The following PLXDC2 variants were observed in gnomAD, a reference collection of about 807,000 sequenced individuals.
PLXDC2 encodes the protein plexin domain containing 2.
Under a neutral mutation model 68.9 loss-of-function variants are expected in PLXDC2, and 40 were observed. That is an observed-to-expected ratio of 0.58 (90% confidence interval 0.45 to 0.76). The LOEUF (loss-of-function observed/expected upper bound fraction) is 0.76, where lower values mean the gene tolerates loss of function less well. Among genes scored for constraint, PLXDC2 ranks in the 30% least tolerant of loss-of-function variants. The pLI is 0.00. For missense variants in PLXDC2, 644 were observed against 661.9 expected, an observed-to-expected ratio of 0.97 and a Z score of 0.30; for synonymous variants, 243 against 234.2, an observed-to-expected ratio of 1.04 and a Z score of -0.34.
At chr10:20,139,117 A>T (rs1228743205) in intron 4 of PLXDC2, among the ~76,000 whole-genome samples, 1 of 152,202 alleles carries the variant, frequency 6.6e-6, no homozygotes, top group East Asian at 1.9e-4. Context: ...AGGCTTACAG[A>T]TGTAAAAACA....
At chr10:20,201,945 A>T (rs1459125362) in intron 9 of PLXDC2, among the ~76,000 whole-genome samples, 1 of 152,192 alleles carries the variant, frequency 6.6e-6, no homozygotes, top group Non-Finnish European at 1.5e-5. Context: ...GCACTGGGAT[A>T]CACCTACTTT....
chr10:20,093,217 G>A lies in PLXDC2; in HGVS notation c.541+24978G>A, dbSNP rs1320517793. Among the ~76,000 whole-genome samples, 5 of 152,032 alleles carry A rather than the reference G, an allele frequency of 3.3e-5. No individual in the cohort carries two copies. The East Asian group carries it at 7.7e-4, about 23-fold the overall frequency. ...CATCATCCCTTTATGGAATGATTTC[G>A]TGTATAAAATAAATCACCATAATAT... On this transcript the variant is annotated intron_variant, in intron 4 of 13. Coordinates refer to ENST00000377252, the MANE Select transcript of PLXDC2 (RefSeq NM_032812.9).
chr10:19,845,796 A>C (rs1836997384), intron 1 of PLXDC2, among the ~76,000 whole-genome samples: 1 of 152,144 alleles, frequency 6.6e-6, no homozygotes, highest in African/African-American at 2.4e-5. Flanking sequence ...TTTCCTAAGA[A>C]GGGGTAGTAG....
intron 2 of PLXDC2, among the ~76,000 whole-genome samples, chr10:20,041,964 CCTAAAGA>C (rs1461009320): frequency 6.6e-6 from 1 of 152,178 alleles, no homozygotes; most frequent in East Asian, 1.9e-4. Context: ...TAATTACCTT[CCTAAAGA>C]CTGTCTCCAA....
At chr10:19,818,780 A>C (rs1324391924) in intron 1 of PLXDC2, among the ~76,000 whole-genome samples, 3 of 152,176 alleles carry the variant, frequency 2.0e-5, no homozygotes, top group African/African-American at 7.2e-5. Flanking sequence ...TTATTTAAAA[A>C]TTGCAACAGT....
intron 9 of PLXDC2, among the ~76,000 whole-genome samples, chr10:20,195,684 G>C (rs1345118840): frequency 2.6e-5 from 4 of 152,038 alleles, no homozygotes; most frequent in Admixed American, 6.6e-5. Flanking sequence ...TAATAAATTA[G>C]GAAAAAGATG....
At chr10:20,204,135 T>C (rs1460927060) in intron 9 of PLXDC2, among the ~76,000 whole-genome samples, 1 of 152,160 alleles carries the variant, frequency 6.6e-6, no homozygotes, top group East Asian at 1.9e-4. Context: ...TTTAGAAATG[T>C]ACTTGTCCAT....
intron 1 of PLXDC2, among the ~76,000 whole-genome samples, chr10:19,895,892 CCTGGGT>C (rs1838048681): frequency 6.6e-6 from 1 of 151,968 alleles, no homozygotes; most frequent in Non-Finnish European, 1.5e-5. Context: ...TGCACTTCAG[CCTGGGT>C]GACAGAGCAA....
At chr10:20,063,213 T>C (rs983833750) in intron 3 of PLXDC2, among the ~76,000 whole-genome samples, 1 of 152,216 alleles carries the variant, frequency 6.6e-6, no homozygotes, top group Non-Finnish European at 1.5e-5. Flanking sequence ...GATCCTTTGC[T>C]ATGGTAAACT....
intron 4 of PLXDC2, among the ~76,000 whole-genome samples, chr10:20,081,480 G>C (rs144776444): frequency 3.7e-4 from 57 of 152,184 alleles, no homozygotes; most frequent in Admixed American, 6.5e-4. Flanking sequence ...AATAAAAGTT[G>C]TAACCTCCAT....
At chr10:20,119,795 G>T (rs1010864147) in intron 4 of PLXDC2, among the ~76,000 whole-genome samples, 1 of 151,840 alleles carries the variant, frequency 6.6e-6, no homozygotes, top group African/African-American at 2.4e-5. Context: ...GTGGTAAGGG[G>T]TGATATTGTG....
At chr10:19,840,904 T>A (rs748372031) in intron 1 of PLXDC2, among the ~76,000 whole-genome samples, 15 of 152,168 alleles carry the variant, frequency 9.9e-5, no homozygotes, top group Non-Finnish European at 1.9e-4. Flanking sequence ...AGAGAACTGA[T>A]TATGACAGTG....
intron 9 of PLXDC2, among the ~76,000 whole-genome samples, chr10:20,194,301 A>G (rs1423525867): frequency 1.3e-5 from 2 of 151,658 alleles, no homozygotes; most frequent in East Asian, 2.0e-4. Flanking sequence ...AGCAAACTCT[A>G]TAAGCCTTGA....
chr10:20,006,352 A>G (rs902771643), intron 2 of PLXDC2, among the ~76,000 whole-genome samples: 4 of 152,282 alleles, frequency 2.6e-5, no homozygotes, highest in African/African-American at 9.6e-5. Flanking sequence ...TTATATTGCT[A>G]AATACAAACA....
intron 4 of PLXDC2, among the ~76,000 whole-genome samples, chr10:20,113,686 A>G (rs1833586244): frequency 6.6e-6 from 1 of 152,210 alleles, no homozygotes; most frequent in African/African-American, 2.4e-5. Context: ...GGAAAACACT[A>G]GTGTACCCAT....
At chr10:19,834,017 A>G (rs191566997) in intron 1 of PLXDC2, among the ~76,000 whole-genome samples, 149 of 151,118 alleles carry the variant, frequency 9.9e-4, no homozygotes, top group Non-Finnish European at 1.7e-3. Context: ...CCCTAAACAT[A>G]TGGGCAATAG....
Position 20,189,504 on chromosome 10 carries a change from T to TATATAC in PLXDC2, c.1061+12096_1061+12097insTATACA, listed in dbSNP as rs1554773611. 6.2e-3 allele frequency among the ~76,000 whole-genome samples: 755 copies of TATATAC among 121,478 alleles called. 9 individuals carry two copies. Among genetic ancestry groups the TATATAC allele is most frequent in the African/African-American group, 8.1e-3 (267 of 33,018 alleles). 79.7% of individuals were successfully genotyped at this position (121,478 alleles called of 152,430 possible). A position where few individuals can be genotyped will look rare whatever the true frequency, so the allele number is the denominator to read the frequency against. ...ATATATATATATATATATATATATA[T>TATATAC]ACACATACACACACATATATATACA... is the stretch of plus-strand genomic sequence containing the variant. On this transcript the variant is annotated intron_variant, in intron 9 of 13. Coordinates refer to ENST00000377252, the MANE Select transcript of PLXDC2 (RefSeq NM_032812.9).
intron 13 of PLXDC2, among the ~76,000 whole-genome samples, chr10:20,254,496 T>C (rs1186521925): frequency 2.0e-5 from 3 of 152,194 alleles, no homozygotes; most frequent in African/African-American, 7.2e-5. Context: ...TAACTGAGTT[T>C]TGCTCTTCAG....
intron 1 of PLXDC2, among the ~76,000 whole-genome samples, chr10:19,949,910 A>G (rs72789620): frequency 0.05 from 7,613 of 152,320 alleles, 248 homozygotes; most frequent in Middle Eastern, 0.092. Context: ...AGGCAGATAC[A>G]TTATTATAGC....
Sources: gnomAD v4.1 joint callset for allele counts (sites outside exome capture counted in the v4.1 genomes callset) on GRCh38, gnomAD v4.1.1 for gene constraint, MANE v1.5 for transcripts, NCBI Gene and HGNC (gene_info 2026-07-23, HGNC 2026-07-21) for gene names.